Variants in LY86 observed in about 807,000 individuals in gnomAD.
LY86 encodes MD-1, RP105-associated.
LY86 carries 20 observed loss-of-function variants against 17.3 expected under a neutral mutation model. The observed-to-expected ratio is 1.15, with a 90% CI of 0.81 to 1.68. The LOEUF is 1.68. LY86 is among the 40% of genes most tolerant of loss of function. The probability of loss-of-function intolerance (pLI) is 0.00; values close to 1 mark genes in which losing one functional copy is unlikely to be tolerated. For missense variants in LY86, 200 were observed against 191.9 expected (o/e 1.04, Z -0.25); for synonymous variants, 74 against 70.6 (o/e 1.05, Z -0.24).
chr6:6,638,195 G>A (rs1027114899), intron 3 of LY86, among the ~76,000 whole-genome samples: 7 of 152,034 alleles, frequency 4.6e-5, no homozygotes, highest in African/African-American at 1.7e-4. Flanking sequence ...AATACACACC[G>A]GATTTTGAAG....
chr6:6,634,389 T>G (rs1458638230), intron 3 of LY86, among the ~76,000 whole-genome samples: 1 of 152,246 alleles, frequency 6.6e-6, no homozygotes, highest in Non-Finnish European at 1.5e-5. Context: ...GAGAAATACA[T>G]TATAATGAGA....
chr6:6,619,430 C>T (rs1761625061), intron 1 of LY86, among the ~76,000 whole-genome samples: 1 of 152,200 alleles, frequency 6.6e-6, no homozygotes, highest in Admixed American at 6.5e-5. Context: ...TATTAAACAA[C>T]CATCCAGTAC....
rs772267003 is a variant in LY86 at position 6,624,909 on chromosome 6, T to C, written c.137-17T>C. 2.6e-5 allele frequency: 35 copies of C among 1,330,444 alleles called. No homozygotes were observed. In the South Asian group the frequency reaches 4.1e-4, roughly 16 times the overall value. The allele number at this position is 1,330,444 out of a possible 1,614,324, so 82.4% of individuals were successfully genotyped here. The stretch of plus-strand genomic sequence containing the variant: ...TACGATGTACTCGCAACTAATCTAT[T>C]GTTTTCTTCTTCGTAGATCCATTAC... On this transcript the variant is annotated splice_polypyrimidine_tract_variant and intron_variant, in intron 1 of 4. Transcript: ENST00000230568.
intron 1 of LY86, among the ~76,000 whole-genome samples, chr6:6,597,815 C>CG (rs1760762919): frequency 6.6e-6 from 1 of 152,350 alleles, no homozygotes; most frequent in Non-Finnish European, 1.5e-5. Flanking sequence ...AATCTCCACT[C>CG]GCGTTTCCAA....
intron 2 of LY86, among the ~76,000 whole-genome samples, 193 bp from the exon 3 acceptor site, chr6:6,626,100 C>T (rs1761781619): frequency 6.6e-6 from 1 of 152,204 alleles, no homozygotes; most frequent in Non-Finnish European, 1.5e-5. Flanking sequence ...CTTTCATACG[C>T]AGGGCCCCAT....
chr6:6,606,641 G>A (rs1227313050), intron 1 of LY86, among the ~76,000 whole-genome samples: 1 of 152,216 alleles, frequency 6.6e-6, no homozygotes, highest in Non-Finnish European at 1.5e-5. Context: ...AAGGCCCGGC[G>A]AGAAATTGAG....
intron 1 of LY86, among the ~76,000 whole-genome samples, chr6:6,596,223 G>A (rs750365406): frequency 2.0e-5 from 3 of 152,058 alleles, no homozygotes; most frequent in Non-Finnish European, 4.4e-5. Flanking sequence ...CAGAATAGAG[G>A]GTAAGCTGCA....
chr6:6,650,903 C>T (rs1762178302), intron 4 of LY86, among the ~76,000 whole-genome samples: 1 of 152,154 alleles, frequency 6.6e-6, no homozygotes, highest in Non-Finnish European at 1.5e-5. Context: ...ACTCTGGTAT[C>T]TATCTTTCCA....
chr6:6,631,662 C>A (rs1424863321), intron 3 of LY86, among the ~76,000 whole-genome samples: 1 of 152,180 alleles, frequency 6.6e-6, no homozygotes, highest in Non-Finnish European at 1.5e-5. Context: ...TGTATTTTAA[C>A]AAGCCTTTTG....
chr6:6,620,035 G>A (rs953087184), intron 1 of LY86, among the ~76,000 whole-genome samples: 10 of 152,118 alleles, frequency 6.6e-5, no homozygotes, highest in Non-Finnish European at 1.5e-4. Flanking sequence ...TTTTCACAGC[G>A]ACTCTGCTGT....
intron 3 of LY86, among the ~76,000 whole-genome samples, chr6:6,626,803 A>T (rs1372124117): frequency 6.6e-6 from 1 of 150,994 alleles, no homozygotes; most frequent in African/African-American, 2.5e-5. Context: ...GATGTCCTTA[A>T]TATAGTAATG....
At chr6:6,620,347 G>A (rs1260205095) in intron 1 of LY86, among the ~76,000 whole-genome samples, 1 of 152,140 alleles carries the variant, frequency 6.6e-6, no homozygotes, top group Non-Finnish European at 1.5e-5. Context: ...TAAAGCTAAA[G>A]AAAAACCTCA....
chr6:6,595,387 G>A (rs1392868017), intron 1 of LY86, among the ~76,000 whole-genome samples: 4 of 70,720 alleles, frequency 5.7e-5, no homozygotes, highest in Non-Finnish European at 1.7e-4. Context: ...GAGGGGAGAA[G>A]AGAAGGAGGA....
chr6:6,642,463 G>C (rs1020343443), intron 3 of LY86, among the ~76,000 whole-genome samples: 2 of 152,164 alleles, frequency 1.3e-5, no homozygotes, highest in Non-Finnish European at 2.9e-5. Flanking sequence ...GTTACAATTA[G>C]GCCTGGCTTA....
intron 1 of LY86, chr6:6,591,257 T>C (rs1384803392): frequency 4.6e-5 from 7 of 153,810 alleles, no homozygotes; most frequent in Non-Finnish European, 1.0e-4. Flanking sequence ...CACAGGAGGA[T>C]GGCTCTTTCC....
chr6:6,616,102 A>G (rs1337982660), intron 1 of LY86, among the ~76,000 whole-genome samples: 2 of 152,188 alleles, frequency 1.3e-5, no homozygotes, highest in Non-Finnish European at 2.9e-5. Flanking sequence ...TATTTTTCTT[A>G]ATTCCTAATA....
rs147928836 is a variant in LY86 at position 6,628,125 on chromosome 6, A to T, written c.352+1704A>T. Among the ~76,000 whole-genome samples, 11 of 152,168 alleles carry T rather than the reference A, an allele frequency of 7.2e-5. No homozygotes were observed. In the East Asian group the frequency reaches 2.1e-3, roughly 29 times the overall value. On this transcript the variant is annotated intron_variant, in intron 3 of 4. Coordinates refer to ENST00000230568, the MANE Select transcript of LY86 (RefSeq NM_004271.4). ...TGGAGACATTTCTGATTAATCAAGT[A>T]CGTTCATGCATTTCCTCAGAATGGT...
intron 3 of LY86, among the ~76,000 whole-genome samples, chr6:6,637,036 A>G (rs1383329875): frequency 4.7e-5 from 6 of 127,288 alleles, no homozygotes; most frequent in Admixed American, 3.5e-4. Context: ...AATGAGAAGG[A>G]GTCTCGCTCT....
At chr6:6,614,765 G>A (rs984585876) in intron 1 of LY86, among the ~76,000 whole-genome samples, 7 of 152,126 alleles carry the variant, frequency 4.6e-5, no homozygotes, top group African/African-American at 1.7e-4. Context: ...TGCTTTTAGG[G>A]GCTGTTGCAA....
Sources: allele counts gnomAD v4.1 joint callset (sites outside exome capture counted in the v4.1 genomes callset), GRCh38; gene constraint gnomAD v4.1.1; transcripts MANE v1.5; gene names NCBI Gene and HGNC (gene_info 2026-07-23, HGNC 2026-07-21).